Variants in CALD1 observed in about 807,000 individuals in gnomAD.
CALD1 encodes caldesmon.
A neutral mutation model predicts 99.9 loss-of-function variants in CALD1; 33 were observed. The ratio of observed to expected loss-of-function variants is 0.33; its 90% CI spans 0.25 to 0.44. The LOEUF (loss-of-function observed/expected upper bound fraction) is 0.44. CALD1 is among the 20% of genes least tolerant of loss of function. The pLI is 1.00. For synonymous variants in CALD1, 310 were observed against 325.0 expected (o/e 0.95, Z 0.50); for missense variants, 861 against 962.1 (o/e 0.89, Z 1.39).
intron 3 of CALD1, among the ~76,000 whole-genome samples, chr7:134,880,021 T>C (rs1801524770): frequency 6.6e-6 from 1 of 152,228 alleles, no homozygotes. Context: ...AGGAAATTCT[T>C]CCAATGTTCA....
At chr7:134,797,654 G>A (rs980761766) in intron 1 of CALD1, among the ~76,000 whole-genome samples, 23 of 152,188 alleles carry the variant, frequency 1.5e-4, no homozygotes, top group African/African-American at 4.3e-4. Flanking sequence ...GTGCAGTGGC[G>A]CAATCTGGGC....
At chr7:134,893,611 C>T (rs1380070492) in intron 3 of CALD1, among the ~76,000 whole-genome samples, 1 of 152,194 alleles carries the variant, frequency 6.6e-6, no homozygotes, top group African/African-American at 2.4e-5. Flanking sequence ...GGAATACCCT[C>T]ACCCTCCTGT....
intron 3 of CALD1, chr7:134,899,769 G>A (rs1468307869): frequency 6.6e-6 from 1 of 152,444 alleles, no homozygotes; most frequent in Non-Finnish European, 1.5e-5. Context: ...TCAGCTTCCT[G>A]AGTAGCTAGG....
At chr7:134,768,398 C>G (rs1169934549) in intron 1 of CALD1, among the ~76,000 whole-genome samples, 1 of 152,190 alleles carries the variant, frequency 6.6e-6, no homozygotes, top group Non-Finnish European at 1.5e-5. Context: ...TGAGCAGGTG[C>G]TAAGCAGGCT....
chr7:134,726,223 A>C, the CALD1 span, among the ~76,000 whole-genome samples: 3 of 151,168 alleles, frequency 2.0e-5, no homozygotes, highest in Non-Finnish European at 2.9e-5. Context: ...CATAAGGAGA[A>C]GAAAAATCAG....
intron 4 of CALD1, among the ~76,000 whole-genome samples, chr7:134,932,576 G>A (rs117024185): frequency 1.3e-5 from 2 of 152,328 alleles, no homozygotes; most frequent in East Asian, 3.9e-4. Flanking sequence ...CCAAATAAAC[G>A]TTGCATGACC....
At chr7:134,957,456 G>A (rs1807865048) in intron 9 of CALD1, among the ~76,000 whole-genome samples, 1 of 152,120 alleles carries the variant, frequency 6.6e-6, no homozygotes, top group South Asian at 2.1e-4. Flanking sequence ...TGCTCACTCT[G>A]TCACCCAGGC....
At chr7:134,745,922 G>A (rs1490124897) in intron 1 of CALD1, among the ~76,000 whole-genome samples, 1 of 152,082 alleles carries the variant, frequency 6.6e-6, no homozygotes, top group Non-Finnish European at 1.5e-5. Flanking sequence ...TGGTGATAGT[G>A]GTATTTATTT....
intron 2 of CALD1, among the ~76,000 whole-genome samples, chr7:134,850,660 G>A (rs1800038389): frequency 6.6e-6 from 1 of 152,142 alleles, no homozygotes; most frequent in African/African-American, 2.4e-5. Flanking sequence ...TCCTCACAGT[G>A]CCTAACATGG....
chr7:134,768,734 C>T (rs1205126530), intron 1 of CALD1, among the ~76,000 whole-genome samples: 1 of 152,176 alleles, frequency 6.6e-6, no homozygotes, highest in African/African-American at 2.4e-5. Flanking sequence ...CAGCTGTGTA[C>T]ATACTCTGCA....
chr7:134,747,495 G>A (rs1009773237), intron 1 of CALD1, among the ~76,000 whole-genome samples: 6 of 152,218 alleles, frequency 3.9e-5, no homozygotes, highest in African/African-American at 1.4e-4. Flanking sequence ...TGAAATCCAG[G>A]ACCTATTGTT....
chr7:134,716,149 C>T, the CALD1 span, among the ~76,000 whole-genome samples: 6 of 152,178 alleles, frequency 3.9e-5, no homozygotes, highest in Middle Eastern at 6.8e-3. Flanking sequence ...ACCTAGAAAA[C>T]GGAATATGAA....
At chr7:134,736,444 T>A in the CALD1 span, among the ~76,000 whole-genome samples, 1 of 152,190 alleles carries the variant, frequency 6.6e-6, no homozygotes, top group East Asian at 1.9e-4. Context: ...ACTCCCAGAC[T>A]GATCCTTTGC....
chr7:134,841,450 G>C (rs903254065), intron 1 of CALD1, among the ~76,000 whole-genome samples: 2 of 152,254 alleles, frequency 1.3e-5, no homozygotes, highest in Non-Finnish European at 2.9e-5. Flanking sequence ...GATTGAAATA[G>C]GTACTTGCCA....
At chr7:134,734,075 A>G in the CALD1 span, among the ~76,000 whole-genome samples, 100,443 of 151,894 alleles carry the variant, frequency 0.66, 33,743 homozygotes, top group East Asian at 0.89. Context: ...AGCCTTACAG[A>G]GGTGAAGCTG....
intron 1 of CALD1, among the ~76,000 whole-genome samples, chr7:134,801,982 C>G (rs1368795723): frequency 6.6e-6 from 1 of 152,060 alleles, no homozygotes; most frequent in Non-Finnish European, 1.5e-5. Context: ...TCTTGCTGTC[C>G]TGTCTTCTGC....
chr7:134,744,221 C>T (rs1045878809), upstream of CALD1: 6 of 152,120 alleles, frequency 3.9e-5, no homozygotes, highest in African/African-American at 1.4e-4. Context: ...AGAACTGTCG[C>T]TTTTCTAGGG....
At chr7:134,876,495 T>A (rs1801360585) in intron 3 of CALD1, among the ~76,000 whole-genome samples, 1 of 152,208 alleles carries the variant, frequency 6.6e-6, no homozygotes, top group African/African-American at 2.4e-5. Context: ...ATAATGTTTC[T>A]AAATAAAGGA....
the CALD1 span, among the ~76,000 whole-genome samples, chr7:134,727,564 A>G: frequency 4.5e-4 from 69 of 152,374 alleles, 1 homozygote; most frequent in African/African-American, 1.6e-3. Context: ...CCATTTTTAA[A>G]AAGTAGCTTG....
Sources: allele counts gnomAD v4.1 joint callset (sites outside exome capture counted in the v4.1 genomes callset), GRCh38; gene constraint gnomAD v4.1.1; transcripts MANE v1.5; gene names NCBI Gene and HGNC (gene_info 2026-07-23, HGNC 2026-07-21).